The following PRLR variants were observed in gnomAD, a reference collection of about 807,000 sequenced individuals.
PRLR encodes the protein prolactin receptor, also known as hPRL receptor.
Under a neutral mutation model 40.2 loss-of-function variants are expected in PRLR, and 13 were observed. The observed-to-expected ratio is 0.32, with a 90% CI of 0.21 to 0.51. The LOEUF is 0.51. Ranked by LOEUF, PRLR falls within the 20% of genes least tolerant of loss-of-function variation. The pLI, the probability that PRLR is intolerant of heterozygous loss-of-function variation, is 0.97. For missense variants in PRLR, 656 were observed against 747.3 expected, an observed-to-expected ratio of 0.88 and a Z score of 1.42; for synonymous variants, 269 against 278.7, an observed-to-expected ratio of 0.97 and a Z score of 0.35.
chr5:35,084,424 T>A, intron 5 of PRLR, 46 bp downstream of exon 5: 1 of 1,497,342 alleles, frequency 6.7e-7, no homozygotes, highest in Non-Finnish European at 8.9e-7. Flanking sequence ...TATTGGCTAA[T>A]ACATAGTGGA....
chr5:35,074,713 T>C (rs1769963341), intron 5 of PRLR, among the ~76,000 whole-genome samples: 1 of 152,050 alleles, frequency 6.6e-6, no homozygotes, highest in South Asian at 2.1e-4. Flanking sequence ...TTCAATTGCA[T>C]ACTATAAAAT....
chr5:35,132,968 A>T (rs1773734241), intron 1 of PRLR, among the ~76,000 whole-genome samples: 1 of 152,192 alleles, frequency 6.6e-6, no homozygotes, highest in African/African-American at 2.4e-5. Flanking sequence ...ACCCTCACCA[A>T]TGTGGGTGGG....
downstream of PRLR, among the ~76,000 whole-genome samples, chr5:35,052,360 T>C (rs1296284864): frequency 2.6e-5 from 4 of 152,176 alleles, no homozygotes; most frequent in Non-Finnish European, 4.4e-5. Flanking sequence ...AACATATCAA[T>C]AGATGTAGAA....
chr5:35,180,043 C>T (rs990990415), intron 1 of PRLR, among the ~76,000 whole-genome samples: 3 of 152,022 alleles, frequency 2.0e-5, no homozygotes, highest in Non-Finnish European at 4.4e-5. Context: ...TTGGGAGTGA[C>T]GGGAGACAAT....
In PRLR at chr5:35,060,949, C is replaced by A. The variant is rs530029832; in HGVS notation, c.*4140G>T. 3.1e-4 allele frequency: 47 copies of A among 152,236 alleles called. No homozygotes were observed. The highest frequency in any genetic ancestry group is 1.1e-3 in the African/African-American group (47 of 41,542). 9.4% of individuals were successfully genotyped at this position (152,236 alleles called of 1,614,324 possible). ...AGGTTTATCCCCAAATCACAGCCAG[C>A]CTCAATTTCTTATCAGGCAAAGTAA... On this transcript the variant is annotated 3_prime_UTR_variant, in exon 10 of 10. Transcript: ENST00000618457.
intron 1 of PRLR, among the ~76,000 whole-genome samples, chr5:35,196,220 G>A (rs1284352080): frequency 6.6e-6 from 1 of 152,142 alleles, no homozygotes; most frequent in Non-Finnish European, 1.5e-5. Context: ...TGGCAAGTTT[G>A]GACTCAATCC....
rs184967836 is a variant in PRLR, at chr5:35,181,499, A to G, written c.-106+48769T>C. Among the ~76,000 whole-genome samples the G allele has an allele frequency of 3.9e-3, 597 of 152,332 alleles. 2 individuals are homozygous for G. Among genetic ancestry groups the G allele is most frequent in the African/African-American group, 0.013 (553 of 41,572 alleles). ...TTTCTAGGTAGATGTCTATTAAGTGAGAGCTGCCACTCAGACTACGTTATT... is the reference window on the plus strand; with the variant it reads ...TTTCTAGGTAGATGTCTATTAAGTGGGAGCTGCCACTCAGACTACGTTATT... On this transcript the variant is annotated intron_variant, in intron 1 of 9. Transcript: ENST00000618457.
chr5:35,208,926 A>G (rs1776094654), intron 1 of PRLR, among the ~76,000 whole-genome samples: 1 of 152,170 alleles, frequency 6.6e-6, no homozygotes, highest in African/African-American at 2.4e-5. Context: ...ATATTATTTT[A>G]AACTTAACAA....
chr5:35,218,297 G>A (rs1171331815), intron 1 of PRLR, among the ~76,000 whole-genome samples: 1 of 152,090 alleles, frequency 6.6e-6, no homozygotes, highest in Non-Finnish European at 1.5e-5. Context: ...ACAAATTGAT[G>A]ATTTGATTAG....
intron 1 of PRLR, among the ~76,000 whole-genome samples, chr5:35,207,011 A>T (rs1327278961): frequency 6.6e-6 from 1 of 152,108 alleles, no homozygotes; most frequent in Non-Finnish European, 1.5e-5. Context: ...TGAATTAAGA[A>T]TGCCTGGGAG....
intron 2 of PRLR, among the ~76,000 whole-genome samples, chr5:35,103,396 A>C (rs894344235): frequency 6.6e-6 from 1 of 152,206 alleles, no homozygotes; most frequent in African/African-American, 2.4e-5. Context: ...TCCTGGGCCA[A>C]TGGAAGTAGA....
chr5:35,087,507 G>A (rs1770935086), intron 3 of PRLR, among the ~76,000 whole-genome samples: 1 of 151,594 alleles, frequency 6.6e-6, no homozygotes, highest in Non-Finnish European at 1.5e-5. Context: ...TCAAGAGTGT[G>A]TGGCCCTTTT....
intron 1 of PRLR, among the ~76,000 whole-genome samples, chr5:35,159,797 C>G (rs1774622196): frequency 6.6e-6 from 1 of 152,184 alleles, no homozygotes; most frequent in Admixed American, 6.5e-5. Flanking sequence ...TCAAGTGCAA[C>G]CCAAGCCACC....
chr5:35,106,810 AG>A (rs1447537901), intron 2 of PRLR, among the ~76,000 whole-genome samples: 1 of 152,228 alleles, frequency 6.6e-6, no homozygotes, highest in Non-Finnish European at 1.5e-5. Context: ...AACATTAGAC[AG>A]ATCGATGACA....
At chr5:35,069,150 G>A (rs1260054064) in intron 7 of PRLR, among the ~76,000 whole-genome samples, 2 of 152,074 alleles carry the variant, frequency 1.3e-5, no homozygotes, top group African/African-American at 2.4e-5. Context: ...GGAAATCCAA[G>A]GTCACATGGT....
At chr5:35,115,327 A>C (rs536207283) in intron 2 of PRLR, among the ~76,000 whole-genome samples, 7 of 152,322 alleles carry the variant, frequency 4.6e-5, no homozygotes, top group African/African-American at 1.7e-4. Context: ...CCAGCAAGAC[A>C]ATCTCATAAA....
At position 35,217,843 on chromosome 5, in the gene PRLR, C is replaced by A. The variant is rs534820721; in HGVS notation, c.-106+12425G>T. On this transcript the variant is annotated intron_variant, in intron 1 of 9. Transcript: ENST00000618457. ...AAAAATAAAACTCATTGAATCAAAC[C>A]CTGAGGGAGGAGATAGACTGATTCC... 7.9e-4 allele frequency among the ~76,000 whole-genome samples: 120 copies of A among 152,020 alleles called. 1 individual carries two copies. The highest frequency in any genetic ancestry group is 2.7e-3 in the African/African-American group (113 of 41,456).
rs1279332766 is a variant in PRLR, at chr5:35,058,759, A to G, written c.*6330T>C. 2 of 152,208 alleles carry G rather than the reference A, an allele frequency of 1.3e-5. No homozygotes were observed. The highest frequency in any genetic ancestry group is 1.3e-4 in the Admixed American group (2 of 15,276). The allele number at this position is 152,208 out of a possible 1,614,324, so 9.4% of individuals were successfully genotyped here. ...GATTACATATTTCAATATGGCATAT[A>G]CTATTTTTGAACCACATAAAGCAAT... On this transcript the variant is annotated 3_prime_UTR_variant, in exon 10 of 10. Transcript: ENST00000618457.
chr5:35,178,899 G>A (rs186470609), intron 1 of PRLR, among the ~76,000 whole-genome samples: 1 of 152,254 alleles, frequency 6.6e-6, no homozygotes, highest in Non-Finnish European at 1.5e-5. Context: ...TTTTGAGATA[G>A]GATTTCTTAA....
Sources: gnomAD v4.1 joint callset for allele counts (sites outside exome capture counted in the v4.1 genomes callset) on GRCh38, gnomAD v4.1.1 for gene constraint, MANE v1.5 for transcripts, NCBI Gene and HGNC (gene_info 2026-07-23, HGNC 2026-07-21) for gene names.